Variants in ANKS1B observed in about 807,000 individuals in gnomAD.
ANKS1B encodes ankyrin repeat and sterile alpha motif domain-containing protein 1B.
ANKS1B carries 36 observed loss-of-function variants against 148.3 expected under a neutral mutation model. The ratio of observed to expected loss-of-function variants is 0.24; its 90% CI spans 0.19 to 0.32. The LOEUF (loss-of-function observed/expected upper bound fraction) is 0.32, where lower values mean the gene tolerates loss of function less well. Among genes scored for constraint, ANKS1B ranks in the 10% least tolerant of loss-of-function variants. The pLI, the probability that ANKS1B is intolerant of heterozygous loss-of-function variation, is 1.00. For synonymous variants in ANKS1B, 542 were observed against 560.8 expected, an observed-to-expected ratio of 0.97 and a Z score of 0.47; for missense variants, 1,157 against 1,542.6, an observed-to-expected ratio of 0.75 and a Z score of 4.19.
chr12:99,118,418 A>G (rs1274967674), intron 15 of ANKS1B, among the ~76,000 whole-genome samples: 1 of 152,178 alleles, frequency 6.6e-6, no homozygotes, highest in Non-Finnish European at 1.5e-5. Flanking sequence ...TGCATATGAG[A>G]ACATTTTGAT....
At chr12:98,735,701 A>AGAT (rs2097769278) in intron 9 of ANKS1B, 7 of 681,426 alleles carry the variant, frequency 1.0e-5, no homozygotes, top group Admixed American at 1.9e-5. Flanking sequence ...ATAAATATTG[A>AGAT]GATGTACCAT....
chr12:99,175,488 T>C (rs1377559603), intron 14 of ANKS1B, among the ~76,000 whole-genome samples: 2 of 152,224 alleles, frequency 1.3e-5, no homozygotes. Context: ...TAAGTTTGTA[T>C]ATCTTGAGCC....
At chr12:99,016,753 C>G (rs1457161691) in intron 17 of ANKS1B, among the ~76,000 whole-genome samples, 1 of 152,138 alleles carries the variant, frequency 6.6e-6, no homozygotes, top group Non-Finnish European at 1.5e-5. Flanking sequence ...TAATTTTTAT[C>G]TCAAATAAGG....
At chr12:99,442,114 C>T (rs920236879) in intron 11 of ANKS1B, among the ~76,000 whole-genome samples, 1 of 151,804 alleles carries the variant, frequency 6.6e-6, no homozygotes, top group Non-Finnish European at 1.5e-5. Context: ...CCAGTGTCAA[C>T]GAAAATGACA....
intron 8 of ANKS1B, among the ~76,000 whole-genome samples, chr12:99,710,588 A>G (rs2056492848): frequency 6.7e-6 from 1 of 148,898 alleles, no homozygotes; most frequent in African/African-American, 2.4e-5. Flanking sequence ...TTTCTTTATA[A>G]TACCTTCAGT....
At chr12:99,540,740 T>C (rs1002154917) in intron 9 of ANKS1B, among the ~76,000 whole-genome samples, 3 of 150,768 alleles carry the variant, frequency 2.0e-5, no homozygotes, top group African/African-American at 4.9e-5. Context: ...ATTAAGAAAC[T>C]AGAAAGAAAT....
At chr12:99,141,920 G>A (rs987820607) in intron 15 of ANKS1B, among the ~76,000 whole-genome samples, 1 of 151,956 alleles carries the variant, frequency 6.6e-6, no homozygotes, top group African/African-American at 2.4e-5. Flanking sequence ...TTCCCATGGA[G>A]CAAGCTTTCC....
chr12:99,776,631 CA>C (rs1392698516), intron 6 of ANKS1B, among the ~76,000 whole-genome samples: 32 of 151,994 alleles, frequency 2.1e-4, no homozygotes, highest in Non-Finnish European at 5.9e-5. Context: ...TTAGAGAAAC[CA>C]AAACTCCAGA....
chr12:98,744,475 TA>T lies in ANKS1B; in HGVS notation c.*1263del. ...GTTAGAACAATATACATTAAAATGT[TA>T]TTTTTTTCTATAATGATATTGGTAC... On this transcript the variant is annotated 3_prime_UTR_variant, in exon 27 of 27. Transcript: ENST00000683438. 4.5e-6 allele frequency: 3 copies of T among 663,574 alleles called. No homozygotes were observed. The highest frequency in any genetic ancestry group is 5.6e-6 in the Non-Finnish European group (3 of 536,078). The allele number at this position is 663,574 out of a possible 1,614,324, so 41.1% of individuals were successfully genotyped here. A position where few individuals can be genotyped will look rare whatever the true frequency, so the allele number is the denominator to read the frequency against.
At chr12:99,707,478 T>C (rs1030091665) in intron 8 of ANKS1B, among the ~76,000 whole-genome samples, 26 of 152,102 alleles carry the variant, frequency 1.7e-4, no homozygotes, top group Non-Finnish European at 3.7e-4. Context: ...AAATCTTCTA[T>C]TTAATAAAAT....
chr12:98,954,444 G>T (rs999550515), intron 17 of ANKS1B: 6 of 152,212 alleles, frequency 3.9e-5, no homozygotes, highest in African/African-American at 1.4e-4. Flanking sequence ...ATACTGTTAA[G>T]AAGTGAAGCC....
intron 11 of ANKS1B, among the ~76,000 whole-genome samples, chr12:99,430,046 C>A (rs2095341339): frequency 1.4e-5 from 2 of 144,546 alleles, no homozygotes; most frequent in African/African-American, 5.3e-5. Context: ...CAAATAGTTC[C>A]AGGAAAAAAA....
chr12:99,762,365 A>T (rs2153609247), intron 8 of ANKS1B, among the ~76,000 whole-genome samples: 1 of 152,166 alleles, frequency 6.6e-6, no homozygotes, highest in East Asian at 1.9e-4. Context: ...AAGGAACAGA[A>T]TAGAGAACTC....
At position 99,549,972 on chromosome 12, in the gene ANKS1B, A is replaced by C. The variant is rs138668287; in HGVS notation, c.1273-45331T>G. Among the ~76,000 whole-genome samples, 542 of 152,260 alleles carry C rather than the reference A, an allele frequency of 3.6e-3. 4 individuals are homozygous for C. Among genetic ancestry groups the C allele is most frequent in the African/African-American group, 0.011 (454 of 41,556 alleles). ...CCAGACCCCTCCCGCTCGGACCTATAATTACTCCAGCATGCAAATGGCAGC... is the reference window on the plus strand; with the variant it reads ...CCAGACCCCTCCCGCTCGGACCTATCATTACTCCAGCATGCAAATGGCAGC... On this transcript the variant is annotated intron_variant, in intron 9 of 26. Coordinates refer to ENST00000683438, the MANE Select transcript of ANKS1B (RefSeq NM_001352186.2).
chr12:99,504,481 C>T lies in ANKS1B; in HGVS notation c.1433G>A (p.Arg478Lys). The T allele has an allele frequency of 1.9e-6, 3 of 1,611,794 alleles. No homozygotes were observed. Among genetic ancestry groups the T allele is most frequent in the Non-Finnish European group, 2.5e-6 (3 of 1,179,254 alleles). ...SLEIARAPSP[R>K]TDNASEVAVT... ...TTGTGAGTAAGAGATATTACCAGTT[C>T]TTGGGGAAGGTGCCCTTGCAATTTC... is the stretch of plus-strand genomic sequence containing the variant. Residue 478 changes from arginine to lysine, a missense_variant, in exon 10 of 27, where the codon AGA becomes AAA. By Grantham distance (26) the Arg-to-Lys change is conservative. This residue lies in a region of ANKS1B where 661 missense variants were observed against 642.1 expected (regional missense o/e 1.03). Transcript: ENST00000683438.
In ANKS1B at chr12:99,182,609, C is replaced by T. The variant is rs1405125583; in HGVS notation, c.2420-28214G>A. Among the ~76,000 whole-genome samples, 7 of 152,196 alleles carry T rather than the reference C, an allele frequency of 4.6e-5. No homozygotes were observed. In the East Asian group the frequency reaches 1.4e-3, roughly 29 times the overall value. On this transcript the variant is annotated intron_variant, in intron 14 of 26. Coordinates refer to ENST00000683438, the MANE Select transcript of ANKS1B (RefSeq NM_001352186.2). The stretch of plus-strand genomic sequence containing the variant: ...CAAATCTTGGCTATTATGAATAGTG[C>T]TACAATAAATGTGGGGGTGCAGATA...
intron 12 of ANKS1B, among the ~76,000 whole-genome samples, chr12:99,329,665 G>A (rs2087126458): frequency 1.3e-5 from 2 of 151,552 alleles, no homozygotes; most frequent in South Asian, 2.1e-4. Flanking sequence ...TACTTTTGTA[G>A]GTAAAAATTA....
At chr12:99,742,876 T>C (rs1203225622) in intron 8 of ANKS1B, among the ~76,000 whole-genome samples, 2 of 151,874 alleles carry the variant, frequency 1.3e-5, no homozygotes, top group Non-Finnish European at 2.9e-5. Flanking sequence ...AGAATTTAAG[T>C]TTTTATTCTC....
At chr12:99,682,680 G>A (rs1400689810) in intron 8 of ANKS1B, among the ~76,000 whole-genome samples, 1 of 151,978 alleles carries the variant, frequency 6.6e-6, no homozygotes, top group Admixed American at 6.6e-5. Context: ...GACAATCTAA[G>A]GTCACACTTC....
Sources: gnomAD v4.1 joint callset for allele counts (sites outside exome capture counted in the v4.1 genomes callset) on GRCh38, gnomAD v4.1.1 for gene constraint, gnomAD v4.1.1 regional missense constraint, MANE v1.5 for transcripts, NCBI Gene and HGNC (gene_info 2026-07-23, HGNC 2026-07-21) for gene names.